Variants in STXBP5L observed in about 807,000 individuals in gnomAD.
The protein encoded by STXBP5L is syntaxin binding protein 5L, also known as syntaxin-binding protein 5-like.
Under a neutral mutation model 144.5 loss-of-function variants are expected in STXBP5L, and 65 were observed. The ratio of observed to expected loss-of-function variants is 0.45; its 90% CI spans 0.37 to 0.55. The LOEUF is 0.55. Ranked by LOEUF, STXBP5L falls within the 20% of genes least tolerant of loss-of-function variation. The probability of loss-of-function intolerance (pLI) is 0.00; values close to 1 mark genes in which losing one functional copy is unlikely to be tolerated. For synonymous variants in STXBP5L, 505 were observed against 469.6 expected (o/e 1.08, Z -0.97); for missense variants, 1,298 against 1,405.5 (o/e 0.92, Z 1.22).
intron 3 of STXBP5L, among the ~76,000 whole-genome samples, chr3:120,975,596 G>A (rs1413382247): frequency 2.0e-5 from 3 of 152,288 alleles, no homozygotes; most frequent in Non-Finnish European, 2.9e-5. Context: ...TAGGAGTGGT[G>A]AGAGAGGGCA....
At chr3:121,062,994 G>C (rs548477305) in intron 5 of STXBP5L, among the ~76,000 whole-genome samples, 5 of 152,138 alleles carry the variant, frequency 3.3e-5, no homozygotes, top group Non-Finnish European at 7.4e-5. Flanking sequence ...CCCATCTTCT[G>C]AAGCCTACTT....
chr3:121,253,296 C>A (rs1658722001), intron 15 of STXBP5L, among the ~76,000 whole-genome samples: 1 of 151,622 alleles, frequency 6.6e-6, no homozygotes, highest in Admixed American at 6.6e-5. Flanking sequence ...TACCTCTCAA[C>A]CAGATTCTCC....
At chr3:121,180,072 A>G (rs570513394) in intron 9 of STXBP5L, among the ~76,000 whole-genome samples, 1 of 152,300 alleles carries the variant, frequency 6.6e-6, no homozygotes, top group African/African-American at 2.4e-5. Flanking sequence ...ATCCAAATAC[A>G]AGAAGCTCAA....
At chr3:121,296,796 T>C (rs2051669561) in intron 19 of STXBP5L, among the ~76,000 whole-genome samples, 1 of 152,118 alleles carries the variant, frequency 6.6e-6, no homozygotes, top group African/African-American at 2.4e-5. Context: ...GAAACAACCC[T>C]AAATAGAAAA....
intron 9 of STXBP5L, among the ~76,000 whole-genome samples, chr3:121,173,787 T>G (rs2046825837): frequency 6.6e-6 from 1 of 152,158 alleles, no homozygotes; most frequent in African/African-American, 2.4e-5. Context: ...GGTGGACAAC[T>G]GCAGCTGCAG....
At chr3:121,361,921 T>C (rs2045723922) in intron 20 of STXBP5L, among the ~76,000 whole-genome samples, 1 of 152,186 alleles carries the variant, frequency 6.6e-6, no homozygotes, top group South Asian at 2.1e-4. Context: ...TGGGTCTTAT[T>C]TGTATCCATA....
At chr3:121,066,379 TAC>T (rs1491030327) in intron 5 of STXBP5L, among the ~76,000 whole-genome samples, 2,430 of 147,742 alleles carry the variant, frequency 0.016, 64 homozygotes, top group African/African-American at 0.056. Flanking sequence ...TATATATATA[TAC>T]GCTTATAGGA....
intron 11 of STXBP5L, among the ~76,000 whole-genome samples, chr3:121,228,126 G>A (rs1437664537): frequency 3.3e-5 from 5 of 152,256 alleles, no homozygotes; most frequent in Middle Eastern, 3.4e-3. Context: ...TTCAACCAAA[G>A]TAAGAGTAAA....
At chr3:120,917,913 A>G (rs764966152) in intron 2 of STXBP5L, among the ~76,000 whole-genome samples, 35 of 152,242 alleles carry the variant, frequency 2.3e-4, no homozygotes, top group Non-Finnish European at 7.3e-5. Flanking sequence ...TTGGCTTAAA[A>G]CAACACGAAT....
chr3:121,242,941 T>C (rs1187056272), intron 14 of STXBP5L, among the ~76,000 whole-genome samples: 1 of 152,158 alleles, frequency 6.6e-6, no homozygotes, highest in Non-Finnish European at 1.5e-5. Flanking sequence ...GAAGTCACAG[T>C]ACCCCAGACA....
intron 14 of STXBP5L, among the ~76,000 whole-genome samples, chr3:121,242,054 G>A (rs1559897652): frequency 6.6e-6 from 1 of 150,998 alleles, no homozygotes; most frequent in Non-Finnish European, 1.5e-5. Context: ...TATCCTTCAA[G>A]AATTAAGGCA....
At chr3:120,933,066 G>C (rs1424258286) in intron 2 of STXBP5L, among the ~76,000 whole-genome samples, 1 of 124,648 alleles carries the variant, frequency 8.0e-6, no homozygotes, top group Non-Finnish European at 1.7e-5. Flanking sequence ...GGGAGGGGGA[G>C]GGATAGCATT....
chr3:121,202,556 T>C (rs1427460931), intron 9 of STXBP5L, among the ~76,000 whole-genome samples: 1 of 152,118 alleles, frequency 6.6e-6, no homozygotes, highest in East Asian at 1.9e-4. Flanking sequence ...CCTGAAGGAC[T>C]TTTTTTAGTA....
At chr3:121,311,741 C>T (rs941410577) in intron 19 of STXBP5L, among the ~76,000 whole-genome samples, 1 of 152,142 alleles carries the variant, frequency 6.6e-6, no homozygotes, top group African/African-American at 2.4e-5. Flanking sequence ...TAGGAAGAAG[C>T]AATATCGTGA....
intron 26 of STXBP5L, 91 bp from the exon 27 acceptor site, chr3:121,418,965 T>A: frequency 7.5e-7 from 1 of 1,330,308 alleles, no homozygotes; most frequent in South Asian, 1.4e-5. Context: ...AGTTTTGAGA[T>A]AGATTTGCAT....
chr3:121,019,921 CA>C (rs575932426), intron 3 of STXBP5L, among the ~76,000 whole-genome samples: 87 of 152,218 alleles, frequency 5.7e-4, no homozygotes, highest in Middle Eastern at 6.8e-3. Flanking sequence ...CAAACCAAAA[CA>C]AAACCTCTGA....
chr3:120,992,514 T>A (rs185040172), intron 3 of STXBP5L, among the ~76,000 whole-genome samples: 2 of 152,042 alleles, frequency 1.3e-5, no homozygotes, highest in African/African-American at 4.8e-5. Context: ...TGAGATCAAT[T>A]TTTTTTATCT....
intron 10 of STXBP5L, among the ~76,000 whole-genome samples, chr3:121,212,641 G>A (rs907840366): frequency 2.6e-5 from 4 of 152,144 alleles, no homozygotes; most frequent in Non-Finnish European, 5.9e-5. Flanking sequence ...TTGAAGTCAG[G>A]TAGCATGATG....
intron 23 of STXBP5L, among the ~76,000 whole-genome samples, chr3:121,408,733 C>T (rs1576369919): frequency 6.6e-6 from 1 of 151,978 alleles, no homozygotes; most frequent in East Asian, 1.9e-4. Flanking sequence ...TGTGTTAGGA[C>T]ATACACAGGG....
Sources: allele counts gnomAD v4.1 joint callset (sites outside exome capture counted in the v4.1 genomes callset), GRCh38; gene constraint gnomAD v4.1.1; transcripts MANE v1.5; gene names NCBI Gene and HGNC (gene_info 2026-07-23, HGNC 2026-07-21).